The following ACSBG1 variants were observed in gnomAD, a reference collection of about 807,000 sequenced individuals.
ACSBG1 encodes the protein long-chain-fatty-acid--CoA ligase ACSBG1.
Under a neutral mutation model 80.2 loss-of-function variants are expected in ACSBG1, and 39 were observed. The ratio of observed to expected loss-of-function variants is 0.49; its 90% CI spans 0.38 to 0.64. The LOEUF is 0.64. Ranked by LOEUF, ACSBG1 falls within the 30% of genes least tolerant of loss-of-function variation. ACSBG1 has a pLI of 0.00. For synonymous variants in ACSBG1, 392 were observed against 379.5 expected, an observed-to-expected ratio of 1.03 and a Z score of -0.38; for missense variants, 828 against 966.4, an observed-to-expected ratio of 0.86 and a Z score of 1.90.
chr15:78,225,665 C>CT (rs1221318178), intron 1 of ACSBG1, among the ~76,000 whole-genome samples: 9 of 151,696 alleles, frequency 5.9e-5, no homozygotes, highest in Non-Finnish European at 2.9e-5. Context: ...TTCAAACAGT[C>CT]TTTTTTTAAT....
At chr15:78,197,475 T>C (rs1166700021) in intron 2 of ACSBG1, among the ~76,000 whole-genome samples, 1 of 151,822 alleles carries the variant, frequency 6.6e-6, no homozygotes, top group Non-Finnish European at 1.5e-5. Flanking sequence ...TCCTAGCACT[T>C]TGGGAGGCCA....
intron 5 of ACSBG1, among the ~76,000 whole-genome samples, chr15:78,189,095 GA>G (rs2075033736): frequency 6.6e-6 from 1 of 151,908 alleles, no homozygotes; most frequent in Non-Finnish European, 1.5e-5. Context: ...GGCCATCAGA[GA>G]AATGCAAATC....
intron 2 of ACSBG1, among the ~76,000 whole-genome samples, chr15:78,199,399 C>T (rs6495280): frequency 0.7 from 105,568 of 151,156 alleles, 36,953 homozygotes; most frequent in Admixed American, 0.78. Context: ...TTTTCTATTA[C>T]GCAAAAAACT....
At chr15:78,205,137 A>G (rs74548787) in intron 2 of ACSBG1, among the ~76,000 whole-genome samples, 1,861 of 151,756 alleles carry the variant, frequency 0.012, 41 homozygotes, top group African/African-American at 0.044. Flanking sequence ...TTCAAGCTCT[A>G]TCTAGAAAGG....
chr15:78,194,463 C>T (rs1429720256), intron 3 of ACSBG1, 43 bp downstream of exon 3: 1 of 1,592,318 alleles, frequency 6.3e-7, no homozygotes. Context: ...CTGGGAGGCA[C>T]ATCTGGGGAG....
intron 1 of ACSBG1, among the ~76,000 whole-genome samples, chr15:78,218,326 T>G (rs2075329679): frequency 6.6e-6 from 1 of 151,824 alleles, no homozygotes; most frequent in African/African-American, 2.4e-5. Context: ...AGTGGAGGCA[T>G]TGTGGGGGCA....
At chr15:78,220,889 T>A (rs1005351051) in intron 1 of ACSBG1, among the ~76,000 whole-genome samples, 2 of 152,242 alleles carry the variant, frequency 1.3e-5, no homozygotes, top group African/African-American at 4.8e-5. Flanking sequence ...TGGAATACCA[T>A]CTGGCAGTTC....
chr15:78,215,731 A>AAAGAAAGAAAGG (rs1491122185), intron 1 of ACSBG1, among the ~76,000 whole-genome samples: 1,604 of 98,100 alleles, frequency 0.016, 21 homozygotes, highest in Middle Eastern at 0.035. Context: ...AAAGAGAAAG[A>AAAGAAAGAAAGG]AAGAAAGAAA....
At chr15:78,175,115 C>T (rs998482041) in intron 11 of ACSBG1, among the ~76,000 whole-genome samples, 2 of 152,244 alleles carry the variant, frequency 1.3e-5, no homozygotes, top group Non-Finnish European at 2.9e-5. Context: ...GGATGGCTCT[C>T]CCCTTGCTTG....
In ACSBG1 at chr15:78,229,856, C is replaced by T. The variant is rs962827186; in HGVS notation, c.131+4515G>A. Among the ~76,000 whole-genome samples, 11 of 152,148 alleles carry T rather than the reference C, an allele frequency of 7.2e-5. No individual in the cohort carries two copies. In the East Asian group the frequency reaches 2.1e-3, roughly 29 times the overall value. On this transcript the variant is annotated intron_variant, in intron 1 of 13. Coordinates refer to ENST00000258873, the MANE Select transcript of ACSBG1 (RefSeq NM_015162.5). ...TGCCTCCTTCTTTGAGCCTGGCTGC[C>T]CTTAGTCTGGCCACGTCAGCCTCTC...
intron 9 of ACSBG1, 21 bp from the exon 10 acceptor site, chr15:78,179,801 G>T: frequency 2.0e-6 from 3 of 1,476,052 alleles, no homozygotes; most frequent in Non-Finnish European, 2.8e-6. Flanking sequence ...AGGGAGAATG[G>T]TTCACAGAAG....
Position 78,194,502 on chromosome 15 carries a change from T to C in ACSBG1, c.453+4A>G. On this transcript the variant is annotated splice_donor_region_variant and intron_variant, in intron 3 of 13. Transcript: ENST00000258873. Reference sequence around the variant, plus strand: ...CAAGGCCTTGCCATGAGGGGCCCCCTTACCTTCAGGAAGCCCTTGGCGGCT... The same window carrying C: ...CAAGGCCTTGCCATGAGGGGCCCCCCTACCTTCAGGAAGCCCTTGGCGGCT... 6.2e-7 allele frequency: 1 copy of C among 1,613,914 alleles called. No homozygotes were observed. Among genetic ancestry groups the C allele is most frequent in the Non-Finnish European group, 8.5e-7 (1 of 1,179,878 alleles).
intron 13 of ACSBG1, among the ~76,000 whole-genome samples, chr15:78,173,253 G>C (rs957434499): frequency 1.9e-4 from 27 of 145,220 alleles, no homozygotes; most frequent in African/African-American, 6.3e-4. Context: ...GCTGAGGCAG[G>C]AGAATCACTT....
At chr15:78,221,277 G>C (rs1023670670) in intron 1 of ACSBG1, among the ~76,000 whole-genome samples, 1 of 152,148 alleles carries the variant, frequency 6.6e-6, no homozygotes, top group Non-Finnish European at 1.5e-5. Flanking sequence ...GCAGAATGGG[G>C]TGAACAGGGT....
chr15:78,187,014 T>C (rs2075011097), intron 5 of ACSBG1, among the ~76,000 whole-genome samples: 1 of 152,070 alleles, frequency 6.6e-6, no homozygotes, highest in Non-Finnish European at 1.5e-5. Context: ...CCCACAGAAA[T>C]ACAAACTACC....
chr15:78,179,306 G>A (rs1335276222), intron 10 of ACSBG1, among the ~76,000 whole-genome samples: 1 of 152,156 alleles, frequency 6.6e-6, no homozygotes, highest in African/African-American at 2.4e-5. Flanking sequence ...GGCTATGCAG[G>A]CTGTTTTCAA....
chr15:78,189,763 G>A (rs2075040865), intron 5 of ACSBG1, among the ~76,000 whole-genome samples: 1 of 151,720 alleles, frequency 6.6e-6, no homozygotes, highest in African/African-American at 2.4e-5. Flanking sequence ...CATGGCACAT[G>A]TATACATATG....
chr15:78,188,367 G>C (rs1194536476), intron 5 of ACSBG1, among the ~76,000 whole-genome samples: 1 of 151,820 alleles, frequency 6.6e-6, no homozygotes, highest in Non-Finnish European at 1.5e-5. Flanking sequence ...GCATCGCCAA[G>C]TCAATCCTAA....
rs1308943826 is a variant in ACSBG1, at chr15:78,169,039, T to G, written c.*2405A>C. On this transcript the variant is annotated 3_prime_UTR_variant, in exon 14 of 14. Transcript: ENST00000258873. ...CAACTGGCATTTACATCAGTCACTC[T>G]AAATGGACACCACATGAACCTCTGT... The G allele has an allele frequency of 7.6e-7, 1 of 1,315,738 alleles. No individual in the cohort carries two copies. Among genetic ancestry groups the G allele is most frequent in the Non-Finnish European group, 1.1e-6 (1 of 913,796 alleles). 81.5% of individuals were successfully genotyped at this position (1,315,738 alleles called of 1,614,324 possible).
Sources: gnomAD v4.1 joint callset for allele counts (sites outside exome capture counted in the v4.1 genomes callset) on GRCh38, gnomAD v4.1.1 for gene constraint, MANE v1.5 for transcripts, NCBI Gene and HGNC (gene_info 2026-07-23, HGNC 2026-07-21) for gene names.